Variants in TRIO observed in about 807,000 individuals in gnomAD.
TRIO encodes trio Rho guanine nucleotide exchange factor.
In TRIO, 58 loss-of-function variants were observed where a neutral mutation model predicts 351.9. That is an observed-to-expected ratio of 0.16 (90% CI 0.13 to 0.21). The LOEUF is 0.21. Among genes scored for constraint, TRIO ranks in the 10% least tolerant of loss-of-function variants. The pLI, the probability that TRIO is intolerant of heterozygous loss-of-function variation, is 1.00. For synonymous variants in TRIO, 1,758 were observed against 1,595.7 expected (o/e 1.10, Z -2.42); for missense variants, 3,201 against 4,027.8 (o/e 0.79, Z 5.56).
intron 34 of TRIO, among the ~76,000 whole-genome samples, chr5:14,427,493 T>C (rs997091019): frequency 6.6e-6 from 1 of 152,150 alleles, no homozygotes; most frequent in African/African-American, 2.4e-5. Context: ...CGGTGCTGTT[T>C]CCCTGCTCAG....
rs1304059147 is a variant in TRIO at position 14,387,630 on chromosome 5, T to G, written c.3763T>G (p.Ser1255Ala). The change falls in exon 22 of 57, where the codon TCG (serine) becomes GCG (alanine). Residue 1255 changes from serine (S) to alanine (A), a missense_variant and splice_region_variant. By Grantham distance (99) the Ser-to-Ala change is moderately conservative. Around this residue, in one of 19 missense-constraint regions of TRIO, gnomAD observed 201 missense variants for 266.5 expected, o/e 0.75. Coordinates refer to ENST00000344204, the MANE Select transcript of TRIO (RefSeq NM_007118.4). Reference sequence around the variant, plus strand: ...GGGGATTTCTTCAGATTCCAACAAATCGGTAAATGGCCTTGTGCAAACTGA... The same window carrying G: ...GGGGATTTCTTCAGATTCCAACAAAGCGGTAAATGGCCTTGTGCAAACTGA... ...ALGISSDSNK[S>A]SKSLQLDIIP... The G allele has an allele frequency of 6.2e-7, 1 of 1,610,812 alleles. No individual in the cohort carries two copies. Among genetic ancestry groups the G allele is most frequent in the Admixed American group, 1.7e-5 (1 of 59,730 alleles).
At chr5:14,206,122 C>T (rs956420892) in intron 1 of TRIO, among the ~76,000 whole-genome samples, 1 of 152,110 alleles carries the variant, frequency 6.6e-6, no homozygotes, top group Non-Finnish European at 1.5e-5. Flanking sequence ...AGTGCAGTGG[C>T]GCAATCTCAG....
At position 14,229,474 on chromosome 5, in the gene TRIO, G is replaced by A. The variant is rs116464947; in HGVS notation, c.158-41351G>A. On this transcript the variant is annotated intron_variant, in intron 1 of 56. Transcript: ENST00000344204. ...GATCTTTTTTCTGTACTACTAGTCA[G>A]TGAAACTGTTAAACATGAGCAGTCT... is the stretch of plus-strand genomic sequence containing the variant. Among the ~76,000 whole-genome samples, 1,038 of 152,370 alleles carry A rather than the reference G, an allele frequency of 6.8e-3. 15 individuals carry two copies. Among genetic ancestry groups the A allele is most frequent in the African/African-American group, 0.024 (994 of 41,580 alleles).
chr5:14,406,952 A>T (rs1397353576), intron 33 of TRIO, among the ~76,000 whole-genome samples: 13 of 152,202 alleles, frequency 8.5e-5, no homozygotes, highest in Non-Finnish European at 1.6e-4. Flanking sequence ...GCATACTTAG[A>T]CTTTTTAATC....
At chr5:14,319,268 G>A (rs1487906306) in intron 9 of TRIO, among the ~76,000 whole-genome samples, 1 of 152,192 alleles carries the variant, frequency 6.6e-6, no homozygotes, top group Non-Finnish European at 1.5e-5. Flanking sequence ...TTTTGTTGAT[G>A]AATGATCTGG....
chr5:14,361,639 T>G (rs892369491), intron 13 of TRIO, among the ~76,000 whole-genome samples: 1 of 152,180 alleles, frequency 6.6e-6, no homozygotes, highest in Non-Finnish European at 1.5e-5. Context: ...TTTAAGTCCC[T>G]CATATCTCTT....
intron 33 of TRIO, among the ~76,000 whole-genome samples, chr5:14,413,556 T>C (rs1182509741): frequency 1.3e-5 from 2 of 152,224 alleles, no homozygotes; most frequent in Non-Finnish European, 2.9e-5. Context: ...TACTCATCTT[T>C]GTTTTCTGTT....
At chr5:14,489,125 A>C in intron 48 of TRIO, 1 of 730,216 alleles carries the variant, frequency 1.4e-6, no homozygotes, top group Non-Finnish European at 2.5e-6. Context: ...ATAAATTTTT[A>C]AATACATTTC....
In TRIO at chr5:14,363,893, T is replaced by A; in HGVS notation, c.2553T>A (p.Asp851Glu). 6.2e-7 allele frequency: 1 copy of A among 1,614,172 alleles called. No individual in the cohort carries two copies. Among genetic ancestry groups the A allele is most frequent in the East Asian group, 2.2e-5 (1 of 44,882 alleles). ...TTGACGTCATCCACCAAGGGCAAGA[T>A]CTTCTGCAGTATGTCAATGAGGTCC... ...LTFDVIHQGQ[D>E]LLQYVNEVQA... Residue 851 changes from aspartate (D) to glutamate (E), a missense_variant, in exon 14 of 57, where the codon GAT becomes GAA. Asp to Glu is a conservative substitution (Grantham distance 45). Around this residue, in one of 19 missense-constraint regions of TRIO, gnomAD observed 363 missense variants for 553.5 expected, o/e 0.66. Coordinates refer to ENST00000344204, the MANE Select transcript of TRIO (RefSeq NM_007118.4).
At chr5:14,326,261 C>A (rs1158395760) in intron 9 of TRIO, among the ~76,000 whole-genome samples, 1 of 152,224 alleles carries the variant, frequency 6.6e-6, no homozygotes, top group Non-Finnish European at 1.5e-5. Context: ...GATTGCTGGT[C>A]AAATGACCGT....
chr5:14,359,737 C>T (rs1022469466), intron 13 of TRIO, among the ~76,000 whole-genome samples: 8 of 152,180 alleles, frequency 5.3e-5, no homozygotes, highest in South Asian at 4.1e-4. Flanking sequence ...TATGCTCAGC[C>T]CTGGACCCTA....
chr5:14,200,256 C>G (rs1288119950), intron 1 of TRIO, among the ~76,000 whole-genome samples: 1 of 152,180 alleles, frequency 6.6e-6, no homozygotes, highest in African/African-American at 2.4e-5. Flanking sequence ...CCCTTCCCTT[C>G]CCCGTGAATC....
chr5:14,388,441 TC>T (rs1363727670), intron 23 of TRIO, among the ~76,000 whole-genome samples, 171 bp from the exon 24 acceptor site: 1 of 152,216 alleles, frequency 6.6e-6, no homozygotes, highest in Non-Finnish European at 1.5e-5. Context: ...AATCTTTTTT[TC>T]CCCTTTGAAT....
chr5:14,158,403 G>A (rs552776858), intron 1 of TRIO, among the ~76,000 whole-genome samples: 7 of 151,734 alleles, frequency 4.6e-5, no homozygotes, highest in Admixed American at 2.6e-4. Flanking sequence ...ACAGCCTGGC[G>A]GCAGAGTGAG....
chr5:14,397,251 T>C (rs1747686192), intron 29 of TRIO, 97 bp downstream of exon 29: 1 of 902,158 alleles, frequency 1.1e-6, no homozygotes, highest in South Asian at 1.7e-5. Context: ...CCGCTTTATG[T>C]CTCTATGTTA....
chr5:14,368,938 C>G (rs1168991210), intron 17 of TRIO, 39 bp downstream of exon 17: 1 of 1,580,106 alleles, frequency 6.3e-7, no homozygotes, highest in South Asian at 1.1e-5. Flanking sequence ...TCCACTGATA[C>G]TTTATTTTGA....
chr5:14,188,120 C>G (rs1790236488), intron 1 of TRIO, among the ~76,000 whole-genome samples: 1 of 152,164 alleles, frequency 6.6e-6, no homozygotes, highest in Non-Finnish European at 1.5e-5. Flanking sequence ...TCACATCTGC[C>G]AGTTTACCTA....
chr5:14,184,358 G>A (rs142063206), intron 1 of TRIO, among the ~76,000 whole-genome samples: 6 of 152,334 alleles, frequency 3.9e-5, no homozygotes, highest in Non-Finnish European at 8.8e-5. Context: ...TTGTCCCATG[G>A]CCTCTGTACA....
chr5:14,389,455 A>G (rs1392868313), intron 25 of TRIO, 57 bp downstream of exon 25: 6 of 1,263,162 alleles, frequency 4.7e-6, no homozygotes, highest in Middle Eastern at 1.8e-4. Flanking sequence ...CTGAAGTTTC[A>G]TCACAAGAAA....
Sources: allele counts gnomAD v4.1 joint callset (sites outside exome capture counted in the v4.1 genomes callset), GRCh38; gene constraint gnomAD v4.1.1; regional missense constraint gnomAD v4.1.1; transcripts MANE v1.5; gene names NCBI Gene and HGNC (gene_info 2026-07-23, HGNC 2026-07-21).